BNC2: variants seen among roughly 807,000 people sequenced by gnomAD.
BNC2 encodes basonuclin zinc finger protein 2, also known as zinc finger protein basonuclin-2.
In BNC2, 20 loss-of-function variants were observed where a neutral mutation model predicts 76.3. The observed-to-expected ratio is 0.26, with a 90% confidence interval of 0.18 to 0.38. The LOEUF (loss-of-function observed/expected upper bound fraction) is 0.38. Ranked by LOEUF, BNC2 falls within the 10% of genes least tolerant of loss-of-function variation. The pLI is 1.00. For synonymous variants in BNC2, 582 were observed against 514.8 expected (o/e 1.13, Z -1.77); for missense variants, 1,382 against 1,399.8 (o/e 0.99, Z 0.20).
rs1823657278 is a variant in BNC2 at position 16,705,946 on chromosome 9, C to T, written c.330+21851G>A. Among the ~76,000 whole-genome samples, 3 of 152,056 alleles carry T rather than the reference C, an allele frequency of 2.0e-5. No individual in the cohort carries two copies. In the South Asian group the frequency reaches 6.2e-4, roughly 32 times the overall value. ...CTATTATTACAAAACAAACAAGCAA[C>T]AATATTAGATCAAAAAACTGGATTT... On this transcript the variant is annotated intron_variant, in intron 3 of 6. Transcript: ENST00000380672.
chr9:16,574,349 T>C (rs1819423874), intron 4 of BNC2, among the ~76,000 whole-genome samples: 1 of 152,200 alleles, frequency 6.6e-6, no homozygotes, highest in Non-Finnish European at 1.5e-5. Flanking sequence ...AAAGTAGCCT[T>C]AATCCTACCT....
intron 3 of BNC2, among the ~76,000 whole-genome samples, chr9:16,650,722 G>A (rs996407256): frequency 1.3e-5 from 2 of 152,046 alleles, no homozygotes; most frequent in Admixed American, 6.6e-5. Flanking sequence ...ATTCAGAAAA[G>A]GGAAATATCT....
At chr9:16,778,860 A>G (rs10810622) in intron 1 of BNC2, among the ~76,000 whole-genome samples, 18,757 of 152,218 alleles carry the variant, frequency 0.12, 1,453 homozygotes, top group Admixed American at 0.2. Context: ...AAAGGCAGCA[A>G]GGGTCTGATG....
At chr9:16,728,656 T>C (rs1824420866) in intron 2 of BNC2, among the ~76,000 whole-genome samples, 1 of 151,632 alleles carries the variant, frequency 6.6e-6, no homozygotes, top group Non-Finnish European at 1.5e-5. Flanking sequence ...TGCTGGGCTA[T>C]TTATAACCAC....
chr9:16,841,121 G>T (rs753869299), intron 1 of BNC2, among the ~76,000 whole-genome samples: 10 of 152,168 alleles, frequency 6.6e-5, no homozygotes, highest in Non-Finnish European at 1.2e-4. Flanking sequence ...ATGGGCAAAA[G>T]AGTCCTTTCT....
chr9:16,734,934 G>A (rs536183244), intron 2 of BNC2, among the ~76,000 whole-genome samples: 48 of 152,214 alleles, frequency 3.2e-4, no homozygotes, highest in Middle Eastern at 3.4e-3. Context: ...TCAGCAAAAG[G>A]GAGAAACTGC....
chr9:16,511,812 T>C (rs73417434), intron 5 of BNC2, among the ~76,000 whole-genome samples: 5,695 of 152,246 alleles, frequency 0.037, 359 homozygotes, highest in African/African-American at 0.13. Context: ...TATTTTTTCA[T>C]GTATCATAGA....
At chr9:16,676,590 A>C (rs1455153622) in intron 3 of BNC2, among the ~76,000 whole-genome samples, 1 of 152,252 alleles carries the variant, frequency 6.6e-6, no homozygotes, top group Non-Finnish European at 1.5e-5. Flanking sequence ...GAGAGAATGC[A>C]GAAATGTAGT....
At chr9:16,793,871 T>G (rs1817580132) in intron 1 of BNC2, among the ~76,000 whole-genome samples, 1 of 142,326 alleles carries the variant, frequency 7.0e-6, no homozygotes, top group East Asian at 2.0e-4. Flanking sequence ...TTTTTTTGTT[T>G]TTTTTTTTTT....
Position 16,489,982 on chromosome 9 carries a change from C to T in BNC2, c.670-52458G>A, listed in dbSNP as rs150780715. ...TTAACAATACTGTTTCTCCTTCCCTCAAAAAATTTTTCTGCAAGAAAACAA... is the reference window on the plus strand; with the variant it reads ...TTAACAATACTGTTTCTCCTTCCCTTAAAAAATTTTTCTGCAAGAAAACAA... On this transcript the variant is annotated intron_variant, in intron 5 of 6. Coordinates refer to ENST00000380672, the MANE Select transcript of BNC2 (RefSeq NM_017637.6). 1.5e-3 allele frequency among the ~76,000 whole-genome samples: 232 copies of T among 152,234 alleles called. 2 individuals carry two copies. The highest frequency in any genetic ancestry group is 5.3e-3 in the African/African-American group (222 of 41,540).
chr9:16,723,864 T>C (rs573097589), intron 3 of BNC2, among the ~76,000 whole-genome samples: 287 of 152,186 alleles, frequency 1.9e-3, no homozygotes, highest in Non-Finnish European at 3.0e-3. Context: ...GAGAATCTAA[T>C]GCACAATAGA....
intron 5 of BNC2, among the ~76,000 whole-genome samples, chr9:16,542,610 C>T (rs1036494333): frequency 6.6e-6 from 1 of 152,176 alleles, no homozygotes; most frequent in Admixed American, 6.5e-5. Flanking sequence ...CTAGTGACTT[C>T]CCTAAGAAAG....
At chr9:16,694,063 T>A (rs1379419265) in intron 3 of BNC2, among the ~76,000 whole-genome samples, 1 of 152,090 alleles carries the variant, frequency 6.6e-6, no homozygotes, top group African/African-American at 2.4e-5. Flanking sequence ...GGGGAGGGTG[T>A]GGCATTTTTT....
chr9:16,790,817 C>CTTTTTTTTTTTTTTTTTTTTTTTTTT (rs372342400), intron 1 of BNC2, among the ~76,000 whole-genome samples: 1 of 128,826 alleles, frequency 7.8e-6, no homozygotes, highest in Non-Finnish European at 1.6e-5. Flanking sequence ...CCTTGGTAAG[C>CTTTTTTTTTTTTTTTTTTTTTTTTTT]TTTTTTTTTT....
chr9:16,461,521 T>C (rs1011240476), intron 5 of BNC2, among the ~76,000 whole-genome samples: 5 of 151,718 alleles, frequency 3.3e-5, no homozygotes, highest in African/African-American at 1.2e-4. Flanking sequence ...GCCTCACAGA[T>C]ACTTAGACTC....
At position 16,417,009 on chromosome 9, in the gene BNC2, TCTAA is replaced by T. The variant is rs1820597629; in HGVS notation, c.*1976_*1979del. The T allele has an allele frequency of 6.5e-6, 1 of 152,704 alleles. No individual in the cohort carries two copies. Among genetic ancestry groups the T allele is most frequent in the East Asian group, 1.9e-4 (1 of 5,182 alleles). 9.5% of individuals were successfully genotyped at this position (152,704 alleles called of 1,614,324 possible). A position where few individuals can be genotyped will look rare whatever the true frequency, so the allele number is the denominator to read the frequency against. ...ATAAAAGTTAAAATAAAGGGATATT[TCTAA>T]CTTTTAGACTGATGAAAGAAATGTC... On this transcript the variant is annotated 3_prime_UTR_variant, in exon 7 of 7. Transcript: ENST00000380672.
intron 5 of BNC2, among the ~76,000 whole-genome samples, chr9:16,543,420 C>T (rs1234653313): frequency 6.6e-6 from 1 of 152,110 alleles, no homozygotes; most frequent in African/African-American, 2.4e-5. Flanking sequence ...TAATCAGTGC[C>T]ATCACAGACA....
chr9:16,764,991 G>T (rs10511626), intron 1 of BNC2, among the ~76,000 whole-genome samples: 16,048 of 152,122 alleles, frequency 0.11, 1,098 homozygotes, highest in East Asian at 0.24. Context: ...GAAACCCGCT[G>T]TGGCATATAC....
Position 16,553,678 on chromosome 9 carries a change from C to T in BNC2, c.434-913G>A, listed in dbSNP as rs554877825. On this transcript the variant is annotated intron_variant, in intron 4 of 6. Coordinates refer to ENST00000380672, the MANE Select transcript of BNC2 (RefSeq NM_017637.6). ...ACTTTTAATAAAATGAAAAGTTCAACAATTGGGTGCTTTTTCTCCTCAAAT... is the reference window on the plus strand; with the variant it reads ...ACTTTTAATAAAATGAAAAGTTCAATAATTGGGTGCTTTTTCTCCTCAAAT... 3.3e-5 allele frequency among the ~76,000 whole-genome samples: 5 copies of T among 152,188 alleles called. No homozygotes were observed. In the South Asian group the frequency reaches 8.3e-4, roughly 25 times the overall value.
Sources: gnomAD v4.1 joint callset for allele counts (sites outside exome capture counted in the v4.1 genomes callset) on GRCh38, gnomAD v4.1.1 for gene constraint, MANE v1.5 for transcripts, NCBI Gene and HGNC (gene_info 2026-07-23, HGNC 2026-07-21) for gene names.